The following SIPA1L3 variants were observed in gnomAD, a reference collection of about 807,000 sequenced individuals.
The protein encoded by SIPA1L3 is signal-induced proliferation-associated 1-like protein 3.
In SIPA1L3, 59 loss-of-function variants were observed where a neutral mutation model predicts 150.1. The ratio of observed to expected loss-of-function variants is 0.39; its 90% CI spans 0.32 to 0.49. SIPA1L3 has a LOEUF of 0.49. SIPA1L3 is among the 20% of genes least tolerant of loss of function. SIPA1L3 has a pLI of 0.86. For synonymous variants in SIPA1L3, 1,070 were observed against 1,077.6 expected (o/e 0.99, Z 0.14); for missense variants, 2,211 against 2,489.5 (o/e 0.89, Z 2.38).
intron 15 of SIPA1L3, among the ~76,000 whole-genome samples, chr19:38,168,716 T>C (rs1377187329): frequency 6.6e-6 from 1 of 152,090 alleles, no homozygotes; most frequent in Non-Finnish European, 1.5e-5. Flanking sequence ...AATAACCCTG[T>C]GTCTAAGGAA....
intron 1 of SIPA1L3, among the ~76,000 whole-genome samples, chr19:37,980,186 G>A (rs905253755): frequency 1.3e-5 from 2 of 152,180 alleles, no homozygotes; most frequent in African/African-American, 4.8e-5. Context: ...AATTCTATGT[G>A]GATGTGTGAG....
intron 1 of SIPA1L3, among the ~76,000 whole-genome samples, chr19:37,939,498 C>T (rs145988415): frequency 5.3e-5 from 8 of 151,940 alleles, no homozygotes; most frequent in Non-Finnish European, 7.4e-5. Context: ...TTCTCTCTCA[C>T]GTAAAGGAGC....
intron 1 of SIPA1L3, among the ~76,000 whole-genome samples, chr19:37,919,700 T>A: frequency 7.3e-6 from 1 of 136,868 alleles, no homozygotes; most frequent in East Asian, 2.2e-4. Context: ...CTTTGGGCCC[T>A]GAGGCTTTTT....
chr19:38,022,263 T>G (rs1434061659), intron 1 of SIPA1L3, among the ~76,000 whole-genome samples: 1 of 152,142 alleles, frequency 6.6e-6, no homozygotes, highest in Non-Finnish European at 1.5e-5. Context: ...GGATTGGTAG[T>G]TAAAGAACAG....
chr19:38,177,952 G>A (rs907634317), intron 15 of SIPA1L3, among the ~76,000 whole-genome samples: 4 of 151,470 alleles, frequency 2.6e-5, no homozygotes, highest in East Asian at 2.0e-4. Flanking sequence ...CTTGAACCCC[G>A]GAGGCGCAGA....
At chr19:38,017,004 C>A (rs1310982551) in intron 1 of SIPA1L3, among the ~76,000 whole-genome samples, 1 of 144,042 alleles carries the variant, frequency 6.9e-6, no homozygotes, top group East Asian at 2.1e-4. Flanking sequence ...TCAAGCAATT[C>A]TCCCACCTCA....
intron 1 of SIPA1L3, among the ~76,000 whole-genome samples, chr19:37,971,261 G>A (rs1966924797): frequency 6.6e-6 from 1 of 152,032 alleles, no homozygotes. Flanking sequence ...GAGTGCAGGT[G>A]TGAGCCACTG....
chr19:37,995,867 C>A (rs1967629413), intron 1 of SIPA1L3, among the ~76,000 whole-genome samples: 1 of 152,166 alleles, frequency 6.6e-6, no homozygotes, highest in African/African-American at 2.4e-5. Context: ...TGGAGTCGGG[C>A]AGATCCTCCT....
chr19:38,049,928 C>G (rs1385545404), intron 2 of SIPA1L3, among the ~76,000 whole-genome samples: 2 of 152,080 alleles, frequency 1.3e-5, no homozygotes, highest in African/African-American at 4.8e-5. Flanking sequence ...CTTCATGCCC[C>G]TGTTAACCTA....
chr19:37,917,932 G>T (rs1477756050), intron 1 of SIPA1L3, among the ~76,000 whole-genome samples: 2 of 152,008 alleles, frequency 1.3e-5, no homozygotes, highest in African/African-American at 4.8e-5. Context: ...TTTAGGCCAG[G>T]AGGTCAAGGC....
intron 6 of SIPA1L3, among the ~76,000 whole-genome samples, chr19:38,101,480 C>T (rs1346663670): frequency 6.6e-6 from 1 of 152,166 alleles, no homozygotes; most frequent in Non-Finnish European, 1.5e-5. Context: ...ATGATCCCAT[C>T]TCACTGCAAC....
Position 38,206,094 on chromosome 19 carries a change from CA to C in SIPA1L3, c.5203-2del. The C allele has an allele frequency of 1.3e-6, 2 of 1,542,500 alleles. No homozygotes were observed. The highest frequency in any genetic ancestry group is 1.8e-6 in the Non-Finnish European group (2 of 1,141,516). On this transcript the variant is annotated splice_acceptor_variant, in intron 21 of 21. Transcript: ENST00000222345. LOFTEE classifies it high-confidence loss of function. The stretch of plus-strand genomic sequence containing the variant: ...CCTGATGCCAGCTTCCCACCCTGTG[CA>C]GGAGAAGCAGGACAAGGTGGTGCTC...
At chr19:38,044,963 T>C (rs1276568686) in intron 2 of SIPA1L3, among the ~76,000 whole-genome samples, 1 of 152,148 alleles carries the variant, frequency 6.6e-6, no homozygotes, top group African/African-American at 2.4e-5. Flanking sequence ...CAGGAATCAA[T>C]GAGATAATGC....
intron 1 of SIPA1L3, among the ~76,000 whole-genome samples, chr19:37,943,929 CTGCTTTAAAA>C (rs1260270156): frequency 6.6e-6 from 1 of 152,040 alleles, no homozygotes; most frequent in Admixed American, 6.6e-5. Context: ...AAAATCTTTA[CTGCTTTAAAA>C]TGTACAGAAG....
chr19:38,166,544 A>C (rs549309417), intron 15 of SIPA1L3, among the ~76,000 whole-genome samples: 3 of 152,198 alleles, frequency 2.0e-5, no homozygotes, highest in African/African-American at 7.2e-5. Flanking sequence ...GTTCGGATGG[A>C]GGCAATGAGC....
At chr19:38,119,278 A>G (rs999826527) in intron 8 of SIPA1L3, 28 bp from the exon 9 acceptor site, 5 of 1,578,118 alleles carry the variant, frequency 3.2e-6, no homozygotes, top group African/African-American at 2.7e-5. Flanking sequence ...CTTTCTTCCC[A>G]CCATCTAAAT....
chr19:38,006,382 G>A (rs1038898340), intron 1 of SIPA1L3, among the ~76,000 whole-genome samples: 6 of 152,120 alleles, frequency 3.9e-5, no homozygotes, highest in African/African-American at 7.2e-5. Context: ...GGGGCATCAC[G>A]CCTTTTACCT....
intron 18 of SIPA1L3, among the ~76,000 whole-genome samples, chr19:38,194,895 A>G (rs1321779733): frequency 6.6e-6 from 1 of 152,162 alleles, no homozygotes; most frequent in African/African-American, 2.4e-5. Flanking sequence ...TACTAAAAAT[A>G]CAAAAATTAG....
At chr19:38,174,397 G>A (rs565276863) in intron 15 of SIPA1L3, among the ~76,000 whole-genome samples, 1 of 152,284 alleles carries the variant, frequency 6.6e-6, no homozygotes, top group South Asian at 2.1e-4. Flanking sequence ...CCAAGTGGCT[G>A]GGGGCCCTCG....
Sources: gnomAD v4.1 joint callset for allele counts (sites outside exome capture counted in the v4.1 genomes callset) on GRCh38, gnomAD v4.1.1 for gene constraint, MANE v1.5 for transcripts, NCBI Gene and HGNC (gene_info 2026-07-23, HGNC 2026-07-21) for gene names.